The following SH3BGRL2 variants were observed in gnomAD, a reference collection of about 807,000 sequenced individuals.
The protein encoded by SH3BGRL2 is SH3 domain-binding glutamic acid-rich-like protein 2.
SH3BGRL2 carries 21 observed loss-of-function variants against 14.8 expected under a neutral mutation model. That is an observed-to-expected ratio of 1.42 (90% CI 1.01 to 2.05). SH3BGRL2 has a LOEUF of 2.05. SH3BGRL2 is among the 30% of genes most tolerant of loss of function. The pLI is 0.00. For synonymous variants in SH3BGRL2, 50 were observed against 47.8 expected (o/e 1.05, Z -0.19); for missense variants, 147 against 130.8 (o/e 1.12, Z -0.61).
chr6:79,570,191 G>A, the SH3BGRL2 span, among the ~76,000 whole-genome samples: 2 of 152,110 alleles, frequency 1.3e-5, no homozygotes, highest in African/African-American at 4.8e-5. Flanking sequence ...ACATTAATGT[G>A]CCATGCTGCT....
chr6:79,594,446 C>T, the SH3BGRL2 span, among the ~76,000 whole-genome samples: 1 of 152,212 alleles, frequency 6.6e-6, no homozygotes. Context: ...TCTGTCCCAA[C>T]TAAGCACTAA....
chr6:79,580,493 C>CA, the SH3BGRL2 span, among the ~76,000 whole-genome samples: 40 of 152,214 alleles, frequency 2.6e-4, no homozygotes, highest in African/African-American at 9.4e-4. Flanking sequence ...GAAACTCACT[C>CA]AAAACCACAC....
chr6:79,658,930 T>C (rs1354345955), intron 1 of SH3BGRL2, among the ~76,000 whole-genome samples: 2 of 152,252 alleles, frequency 1.3e-5, no homozygotes, highest in African/African-American at 4.8e-5. Context: ...GTTGGCTGCA[T>C]AAATGTCTTC....
At chr6:79,581,273 T>A in the SH3BGRL2 span, among the ~76,000 whole-genome samples, 1 of 152,092 alleles carries the variant, frequency 6.6e-6, no homozygotes, top group Non-Finnish European at 1.5e-5. Flanking sequence ...GAAGGAACCC[T>A]CCCTAACTCA....
the SH3BGRL2 span, among the ~76,000 whole-genome samples, chr6:79,585,121 A>T: frequency 6.6e-6 from 1 of 151,888 alleles, no homozygotes; most frequent in African/African-American, 2.4e-5. Flanking sequence ...CCATCATATG[A>T]TTTATTATCC....
At chr6:79,675,159 G>C (rs2127733815) in intron 2 of SH3BGRL2, among the ~76,000 whole-genome samples, 1 of 152,228 alleles carries the variant, frequency 6.6e-6, no homozygotes, top group South Asian at 2.1e-4. Flanking sequence ...GTGCTAGAAG[G>C]CTTAAAACAA....
chr6:79,676,100 A>T (rs905887268), intron 2 of SH3BGRL2, among the ~76,000 whole-genome samples: 3 of 152,104 alleles, frequency 2.0e-5, no homozygotes, highest in African/African-American at 7.2e-5. Context: ...ATTTTTCTGG[A>T]GAGTGGCCTT....
the SH3BGRL2 span, among the ~76,000 whole-genome samples, chr6:79,553,871 GGCAGGAGAATC>G: frequency 1.3e-5 from 2 of 152,012 alleles, no homozygotes; most frequent in African/African-American, 4.8e-5. Flanking sequence ...TGGAGACTGA[GGCAGGAGAATC>G]GCTTGAACCC....
chr6:79,582,672 C>T, the SH3BGRL2 span, among the ~76,000 whole-genome samples: 1 of 149,790 alleles, frequency 6.7e-6, no homozygotes, highest in Non-Finnish European at 1.5e-5. Flanking sequence ...AGACCTAAAA[C>T]CATAAAACCC....
chr6:79,642,140 C>T (rs548191245), intron 1 of SH3BGRL2, among the ~76,000 whole-genome samples: 1 of 152,224 alleles, frequency 6.6e-6, no homozygotes, highest in East Asian at 1.9e-4. Flanking sequence ...TGTGGATTCA[C>T]CTACCTGTGG....
chr6:79,687,652 C>T (rs537515242), intron 2 of SH3BGRL2, among the ~76,000 whole-genome samples: 1 of 152,308 alleles, frequency 6.6e-6, no homozygotes, highest in South Asian at 2.1e-4. Context: ...AGAACTTCTG[C>T]TTAGAGGCTA....
chr6:79,654,758 AGCAG>A (rs1236734836), intron 1 of SH3BGRL2, among the ~76,000 whole-genome samples: 3 of 152,174 alleles, frequency 2.0e-5, no homozygotes, highest in African/African-American at 7.2e-5. Flanking sequence ...AGGACGAAAT[AGCAG>A]GTGGGATTGG....
At chr6:79,569,890 T>C in the SH3BGRL2 span, among the ~76,000 whole-genome samples, 1 of 152,178 alleles carries the variant, frequency 6.6e-6, no homozygotes, top group Non-Finnish European at 1.5e-5. Context: ...GAATTCTGTC[T>C]TTATACCTGT....
chr6:79,547,689 A>G, the SH3BGRL2 span, among the ~76,000 whole-genome samples: 2 of 152,312 alleles, frequency 1.3e-5, no homozygotes, highest in South Asian at 4.1e-4. Flanking sequence ...CTATACTTCA[A>G]AAACTGAAAG....
At chr6:79,557,298 AC>A in the SH3BGRL2 span, among the ~76,000 whole-genome samples, 1 of 151,800 alleles carries the variant, frequency 6.6e-6, no homozygotes, top group Non-Finnish European at 1.5e-5. Context: ...AAAAGGAAAT[AC>A]AGAATTATAA....
At chr6:79,644,889 G>A (rs1203393551) in intron 1 of SH3BGRL2, among the ~76,000 whole-genome samples, 1 of 151,842 alleles carries the variant, frequency 6.6e-6, no homozygotes, top group Admixed American at 6.6e-5. Context: ...GCCGGGCGCG[G>A]TGGCTCACCC....
chr6:79,564,040 C>T, the SH3BGRL2 span, among the ~76,000 whole-genome samples: 1 of 151,986 alleles, frequency 6.6e-6, no homozygotes, highest in Admixed American at 6.6e-5. Context: ...GTTGAGCAAA[C>T]GATTAGTGGA....
At chr6:79,557,342 A>T in the SH3BGRL2 span, among the ~76,000 whole-genome samples, 1 of 152,006 alleles carries the variant, frequency 6.6e-6, no homozygotes, top group South Asian at 2.1e-4. Flanking sequence ...TATTAATATT[A>T]ATACCTATCT....
At chr6:79,584,151 CG>C in the SH3BGRL2 span, among the ~76,000 whole-genome samples, 2 of 152,010 alleles carry the variant, frequency 1.3e-5, no homozygotes, top group African/African-American at 4.8e-5. Context: ...TTCCAGCAAA[CG>C]TTTTATATTT....
Sources: gnomAD v4.1 joint callset for allele counts (sites outside exome capture counted in the v4.1 genomes callset) on GRCh38, gnomAD v4.1.1 for gene constraint, MANE v1.5 for transcripts, NCBI Gene and HGNC (gene_info 2026-07-23, HGNC 2026-07-21) for gene names.